Variants in DLEC1 observed in about 807,000 individuals in gnomAD.
DLEC1 encodes DLEC1 cilia and flagella associated protein, also known as deleted in lung and esophageal cancer protein 1.
DLEC1 carries 146 observed loss-of-function variants against 198.1 expected under a neutral mutation model. The ratio of observed to expected loss-of-function variants is 0.74; its 90% confidence interval spans 0.64 to 0.85. The LOEUF is 0.85. Among genes scored for constraint, DLEC1 ranks in the 40% least tolerant of loss-of-function variants. The pLI, the probability that DLEC1 is intolerant of heterozygous loss-of-function variation, is 0.00. For synonymous variants in DLEC1, 897 were observed against 866.8 expected, an observed-to-expected ratio of 1.03 and a Z score of -0.61; for missense variants, 2,233 against 2,220.0, an observed-to-expected ratio of 1.01 and a Z score of -0.12.
At chr3:38,040,179 C>T (rs567924775) in intron 1 of DLEC1, among the ~76,000 whole-genome samples, 11 of 152,282 alleles carry the variant, frequency 7.2e-5, no homozygotes, top group South Asian at 2.1e-4. Context: ...TGTGGGCACT[C>T]CTCCCATACC....
At chr3:38,109,750 C>G in intron 22 of DLEC1, 188 bp downstream of exon 22, 2 of 1,005,478 alleles carry the variant, frequency 2.0e-6, no homozygotes, top group East Asian at 5.3e-5. Flanking sequence ...CATCCCTGCC[C>G]TCTGTGTGGT....
chr3:38,078,366 C>G (rs1439512868), intron 6 of DLEC1, among the ~76,000 whole-genome samples: 1 of 152,198 alleles, frequency 6.6e-6, no homozygotes, highest in African/African-American at 2.4e-5. Context: ...CCGCTGCACG[C>G]AGACATGAGG....
In DLEC1 at chr3:38,122,009, TCTTC is replaced by T. The variant is rs1441508466; in HGVS notation, c.5021-59_5021-56del. On this transcript the variant is annotated intron_variant, in intron 35 of 36. Transcript: ENST00000308059. The stretch of plus-strand genomic sequence containing the variant: ...GGTACAGGCCCGGGGGTGGGTAAAG[TCTTC>T]CTGTGGGAGTACATGGGGCTGCCTG... The T allele has an allele frequency of 1.6e-5, 26 of 1,595,324 alleles. No individual in the cohort carries two copies. In the East Asian group the frequency reaches 3.6e-4, roughly 22 times the overall value.
At chr3:38,120,969 C>T (rs781607403) in intron 34 of DLEC1, among the ~76,000 whole-genome samples, 4 of 152,206 alleles carry the variant, frequency 2.6e-5, no homozygotes, top group Non-Finnish European at 5.9e-5. Flanking sequence ...GAAGCAGCTG[C>T]GAAGGACAGC....
chr3:38,089,475 C>T (rs1049934887), intron 10 of DLEC1, among the ~76,000 whole-genome samples: 2 of 152,190 alleles, frequency 1.3e-5, no homozygotes, highest in Non-Finnish European at 2.9e-5. Flanking sequence ...TTATTCATGT[C>T]CCTGCTCATC....
intron 6 of DLEC1, among the ~76,000 whole-genome samples, chr3:38,077,425 G>A (rs1463691474): frequency 6.6e-6 from 1 of 152,220 alleles, no homozygotes; most frequent in East Asian, 1.9e-4. Flanking sequence ...TCTGATTTCT[G>A]AGAAGGGAAA....
Position 38,123,143 on chromosome 3 carries a change from T to C in DLEC1, c.*731T>C. On this transcript the variant is annotated 3_prime_UTR_variant, in exon 37 of 37. Transcript: ENST00000308059. ...ATGCCCTGTGAAAACAAAACTTAAT[T>C]GGCTGGGCAAAGGCACCCACCAAAT... 6.2e-7 allele frequency: 1 copy of C among 1,613,594 alleles called. No individual in the cohort carries two copies. The highest frequency in any genetic ancestry group is 8.5e-7 in the Non-Finnish European group (1 of 1,179,588).
chr3:38,109,720 G>A, intron 22 of DLEC1, 158 bp downstream of exon 22: 2 of 1,254,608 alleles, frequency 1.6e-6, no homozygotes, highest in Non-Finnish European at 1.1e-6. Flanking sequence ...CCACTCCTGT[G>A]GGGACAGCTC....
intron 23 of DLEC1, 92 bp downstream of exon 23, chr3:38,110,373 G>A: frequency 6.8e-7 from 1 of 1,472,702 alleles, no homozygotes; most frequent in Non-Finnish European, 9.3e-7. Context: ...GCCAGTGGCT[G>A]GTCGGTGTGA....
At chr3:38,106,559 C>A (rs1699575355) in intron 19 of DLEC1, among the ~76,000 whole-genome samples, 1 of 151,740 alleles carries the variant, frequency 6.6e-6, no homozygotes, top group South Asian at 2.1e-4. Flanking sequence ...AGTTTGAGAC[C>A]AACCTGGCCA....
chr3:38,121,994 CG>C, intron 35 of DLEC1, 76 bp from the exon 36 acceptor site: 6 of 1,583,592 alleles, frequency 3.8e-6, no homozygotes, highest in Non-Finnish European at 4.3e-6. Flanking sequence ...GGTACAGGCC[CG>C]GGGGTGGGTA....
At chr3:38,085,474 G>A in intron 8 of DLEC1, 27 bp downstream of exon 8, 1 of 1,611,574 alleles carries the variant, frequency 6.2e-7, no homozygotes. Flanking sequence ...GCTTCCCACA[G>A]ATTCAGTTAA....
intron 2 of DLEC1, among the ~76,000 whole-genome samples, chr3:38,058,634 G>A (rs546266992): frequency 1.3e-5 from 2 of 152,086 alleles, no homozygotes; most frequent in Admixed American, 6.5e-5. Flanking sequence ...TTCTAATGAA[G>A]AATAAAAAGC....
chr3:38,086,801 G>A (rs1039434324), intron 9 of DLEC1, among the ~76,000 whole-genome samples: 1 of 152,160 alleles, frequency 6.6e-6, no homozygotes, highest in Non-Finnish European at 1.5e-5. Context: ...TTGGCCAGGC[G>A]CAGTGGCTCA....
intron 3 of DLEC1, among the ~76,000 whole-genome samples, chr3:38,061,496 A>T: frequency 6.6e-6 from 1 of 152,286 alleles, no homozygotes; most frequent in African/African-American, 2.4e-5. Context: ...GTGGGGGATG[A>T]TCTTAACAGT....
At chr3:38,075,611 C>T (rs917917242) in intron 6 of DLEC1, among the ~76,000 whole-genome samples, 10 of 148,544 alleles carry the variant, frequency 6.7e-5, no homozygotes, top group Non-Finnish European at 1.0e-4. Flanking sequence ...GGAAAGGGGT[C>T]GGGGCGTGGA....
chr3:38,102,991 TTTA>T (rs1326526487), intron 19 of DLEC1: 1 of 152,140 alleles, frequency 6.6e-6, no homozygotes, highest in East Asian at 1.9e-4. Flanking sequence ...AATTTTAATT[TTTA>T]TTATTTGTAC....
intron 6 of DLEC1, among the ~76,000 whole-genome samples, chr3:38,079,786 G>A (rs191091127): frequency 6.6e-6 from 1 of 152,218 alleles, no homozygotes; most frequent in Admixed American, 6.5e-5. Context: ...GGCTGCTGCG[G>A]TTCAGGCGTT....
chr3:38,045,559 A>C lies in DLEC1; in HGVS notation c.428A>C (p.Lys143Thr). The C allele has an allele frequency of 6.2e-7, 1 of 1,613,660 alleles. No homozygotes were observed. The highest frequency in any genetic ancestry group is 8.5e-7 in the Non-Finnish European group (1 of 1,179,884). Residue 143 changes from lysine (K) to threonine (T), a missense_variant, in exon 2 of 37, where the codon AAG (lysine) becomes ACG (threonine). Physicochemically the swap from Lys to Thr is moderately conservative, Grantham distance 78. Coordinates refer to ENST00000308059, the MANE Select transcript of DLEC1 (RefSeq NM_007335.4). ...DQLQQIRELY[K>T]QRLDEFEMLE... ...CCCTGCCAGATTCGGGAGCTCTATA[A>C]GCAGCGGCTGGATGAGTTTGAAATG...
Sources: gnomAD v4.1 joint callset for allele counts (sites outside exome capture counted in the v4.1 genomes callset) on GRCh38, gnomAD v4.1.1 for gene constraint, MANE v1.5 for transcripts, NCBI Gene and HGNC (gene_info 2026-07-23, HGNC 2026-07-21) for gene names.